MYO1E: variants seen among roughly 807,000 people sequenced by gnomAD.
MYO1E encodes the protein unconventional myosin-Ie.
A neutral mutation model predicts 151.1 loss-of-function variants in MYO1E; 68 were observed. The observed-to-expected ratio is 0.45, with a 90% CI of 0.37 to 0.55. The LOEUF (loss-of-function observed/expected upper bound fraction) is 0.55. Among genes scored for constraint, MYO1E ranks in the 20% least tolerant of loss-of-function variants. The pLI is 0.00. For synonymous variants in MYO1E, 601 were observed against 501.7 expected (o/e 1.20, Z -2.64); for missense variants, 1,363 against 1,389.3 (o/e 0.98, Z 0.30).
chr15:59,370,600 G>C (rs2080939029), intron 1 of MYO1E, among the ~76,000 whole-genome samples: 1 of 152,178 alleles, frequency 6.6e-6, no homozygotes, highest in Non-Finnish European at 1.5e-5. Context: ...ACTGTCCTCA[G>C]ATAGAACCAC....
At chr15:59,365,038 T>C (rs112750696) in intron 1 of MYO1E, among the ~76,000 whole-genome samples, 2 of 138,678 alleles carry the variant, frequency 1.4e-5, no homozygotes, top group South Asian at 5.1e-4. Context: ...TTTTCTTTTT[T>C]TTTTTCTTTT....
chr15:59,153,506 C>G (rs1290886355), intron 26 of MYO1E, 84 bp downstream of exon 26: 1 of 1,452,550 alleles, frequency 6.9e-7, no homozygotes, highest in South Asian at 1.2e-5. Flanking sequence ...TGTGTATTGA[C>G]AGCCCACAGG....
chr15:59,151,069 A>G (rs7174992), intron 26 of MYO1E, among the ~76,000 whole-genome samples: 145,457 of 150,826 alleles, frequency 0.96, 70,060 homozygotes, highest in South Asian at 0.99. Context: ...GCGCACGTGC[A>G]CTTAGAGAGA....
At chr15:59,199,352 G>C (rs183169593) in intron 16 of MYO1E, among the ~76,000 whole-genome samples, 30 of 152,210 alleles carry the variant, frequency 2.0e-4, no homozygotes, top group Middle Eastern at 3.4e-3. Context: ...CAAAGTGCTA[G>C]GATAACAGCC....
intron 17 of MYO1E, among the ~76,000 whole-genome samples, chr15:59,190,063 T>A (rs1233767374): frequency 6.6e-6 from 1 of 152,222 alleles, no homozygotes; most frequent in African/African-American, 2.4e-5. Flanking sequence ...ACCCACCACT[T>A]GCTGGAAAAC....
At position 59,210,520 on chromosome 15, in the gene MYO1E, G is replaced by A. The variant is rs760896263; in HGVS notation, c.1356C>T (p.Asn452=). ...ATACTAAATGAACACTTACCACTTT[G>A]TTCTCTATGAGGTCACATACGATTT... ...NNKIVCDLIE[N]KVNPPGIMSI... is the part of the protein sequence containing the mutation. Residue 452 remains asparagine (N), a synonymous_variant, in exon 13 of 28, where the codon AAC becomes AAT. Transcript: ENST00000288235. The A allele has an allele frequency of 6.9e-6, 11 of 1,582,860 alleles. No homozygotes were observed. The South Asian group carries it at 1.1e-4, about 16-fold the overall frequency.
intron 17 of MYO1E, among the ~76,000 whole-genome samples, chr15:59,194,572 T>A (rs2079754380): frequency 6.6e-6 from 1 of 152,192 alleles, no homozygotes; most frequent in Non-Finnish European, 1.5e-5. Context: ...GCCTACCTTC[T>A]TTTCTCCAAG....
At chr15:59,286,978 T>A (rs533989284) in intron 1 of MYO1E, among the ~76,000 whole-genome samples, 14 of 152,274 alleles carry the variant, frequency 9.2e-5, no homozygotes, top group African/African-American at 2.9e-4. Context: ...CTAATCCACA[T>A]GGCAGATCAG....
rs150076415 is a variant in MYO1E at position 59,331,234 on chromosome 15, T to C, written c.3+41264A>G. Among the ~76,000 whole-genome samples, 282 of 152,316 alleles carry C rather than the reference T, an allele frequency of 1.9e-3. 1 individual carries two copies. The highest frequency in any genetic ancestry group is 6.6e-3 in the African/African-American group (273 of 41,564). ...TTTTGCTAAACCGATGTAGGATCAA[T>C]GAGGAAAACCTTGAAAGATGTGACA... On this transcript the variant is annotated intron_variant, in intron 1 of 27. Transcript: ENST00000288235.
chr15:59,241,366 A>G (rs1457043670), intron 4 of MYO1E, among the ~76,000 whole-genome samples: 3 of 152,198 alleles, frequency 2.0e-5, no homozygotes, highest in African/African-American at 4.8e-5. Flanking sequence ...AACACAAAAG[A>G]AACAACAACT....
chr15:59,200,891 A>G (rs946457064), intron 16 of MYO1E, among the ~76,000 whole-genome samples: 2 of 152,192 alleles, frequency 1.3e-5, no homozygotes, highest in African/African-American at 4.8e-5. Context: ...CACCTTGGCA[A>G]GCACACAGCG....
At chr15:59,330,813 G>T (rs1375925526) in intron 1 of MYO1E, among the ~76,000 whole-genome samples, 1 of 152,042 alleles carries the variant, frequency 6.6e-6, no homozygotes, top group South Asian at 2.1e-4. Flanking sequence ...CTGTCACCTA[G>T]GCTGAAGTGC....
chr15:59,190,286 C>T (rs2079725242), intron 17 of MYO1E, among the ~76,000 whole-genome samples: 1 of 152,202 alleles, frequency 6.6e-6, no homozygotes, highest in Non-Finnish European at 1.5e-5. Flanking sequence ...TAACTCCTCA[C>T]ACTCCCTGTT....
chr15:59,366,606 T>C (rs569782907), intron 1 of MYO1E, among the ~76,000 whole-genome samples: 5 of 152,314 alleles, frequency 3.3e-5, no homozygotes, highest in Non-Finnish European at 7.3e-5. Flanking sequence ...GCGGGCCAAC[T>C]TCATTCACAT....
intron 19 of MYO1E, among the ~76,000 whole-genome samples, chr15:59,174,706 G>A (rs1199333097): frequency 3.3e-5 from 5 of 152,094 alleles, no homozygotes; most frequent in African/African-American, 1.2e-4. Flanking sequence ...GTGCTGCTGT[G>A]GAAGGAGGGC....
rs766873275 is a variant in MYO1E, at chr15:59,372,520, G to T, written c.-20C>A. 8.5e-6 allele frequency: 13 copies of T among 1,535,528 alleles called. No individual in the cohort carries two copies. Among genetic ancestry groups the T allele is most frequent in the Non-Finnish European group, 1.1e-5 (13 of 1,140,948 alleles). On this transcript the variant is annotated 5_prime_UTR_variant, in exon 1 of 28. Coordinates refer to ENST00000288235, the MANE Select transcript of MYO1E (RefSeq NM_004998.4). ...CACCATGGTGACTCGCGCCGCGGTC[G>T]CGTCTTCGCCGGGTCCCGCTGCCGG...
intron 1 of MYO1E, among the ~76,000 whole-genome samples, chr15:59,340,497 C>G (rs547643125): frequency 6.6e-6 from 1 of 151,850 alleles, no homozygotes; most frequent in African/African-American, 2.4e-5. Context: ...AAAAGTAATA[C>G]TTGAGTTGGT....
intron 1 of MYO1E, among the ~76,000 whole-genome samples, chr15:59,370,462 T>A (rs1201416386): frequency 6.6e-6 from 1 of 152,266 alleles, no homozygotes; most frequent in East Asian, 1.9e-4. Flanking sequence ...GACAGCCAGC[T>A]GTTTCAACTT....
intron 1 of MYO1E, among the ~76,000 whole-genome samples, chr15:59,274,784 G>A (rs1023689880): frequency 6.6e-6 from 1 of 152,074 alleles, no homozygotes; most frequent in African/African-American, 2.4e-5. Context: ...CACCTCAGAG[G>A]CTGTTTCCTC....
Sources: allele counts gnomAD v4.1 joint callset (sites outside exome capture counted in the v4.1 genomes callset), GRCh38; gene constraint gnomAD v4.1.1; transcripts MANE v1.5; gene names NCBI Gene and HGNC (gene_info 2026-07-23, HGNC 2026-07-21).